The following NEB variants were observed in gnomAD, a reference collection of about 807,000 sequenced individuals.
The protein encoded by NEB is nebulin.
In NEB, 512 loss-of-function variants were observed where a neutral mutation model predicts 952.2. The ratio of observed to expected loss-of-function variants is 0.54; its 90% CI spans 0.50 to 0.58. The LOEUF is 0.58. Ranked by LOEUF, NEB falls within the 20% of genes least tolerant of loss-of-function variation. The pLI is 0.00. For synonymous variants in NEB, 2,900 were observed against 3,149.8 expected (o/e 0.92, Z 2.66); for missense variants, 8,428 against 9,231.1 (o/e 0.91, Z 3.56).
At chr2:151,552,648 T>G (rs374478409) in intron 128 of NEB, 24 bp downstream of exon 128, 23 of 1,563,156 alleles carry the variant, frequency 1.5e-5, no homozygotes, top group Admixed American at 1.2e-4. Context: ...TACTGTCCAC[T>G]TAACTTCCCC....
At chr2:151,719,886 C>CA (rs34116466) in intron 9 of NEB, among the ~76,000 whole-genome samples, 1,039 of 103,562 alleles carry the variant, frequency 0.01, 29 homozygotes, top group Middle Eastern at 0.023. Flanking sequence ...GACCCTGTCT[C>CA]AAAAAAAAAA....
rs187496580 is a variant in NEB, at chr2:151,505,270, C to T, written c.23742+208G>A. 1.7e-4 allele frequency among the ~76,000 whole-genome samples: 26 copies of T among 152,228 alleles called. No homozygotes were observed. In the East Asian group the frequency reaches 4.4e-3, roughly 26 times the overall value. On this transcript the variant is annotated intron_variant, in intron 165 of 181. Transcript: ENST00000397345. ...GTCAGTGACAGGTAGGAAAAGAAAG[C>T]CAAATCCCTTCTACTCCTTGATTAT... is the stretch of plus-strand genomic sequence containing the variant.
chr2:151,514,863 C>A lies in NEB; in HGVS notation c.22971G>T (p.Thr7657=). The A allele has an allele frequency of 6.3e-7, 1 of 1,588,070 alleles. No homozygotes were observed. Among genetic ancestry groups the A allele is most frequent in the Non-Finnish European group, 8.6e-7 (1 of 1,165,704 alleles). Residue 7657 remains threonine (T), a synonymous_variant, in exon 158 of 182, where the codon ACG becomes ACT. Coordinates refer to ENST00000397345, the MANE Select transcript of NEB (RefSeq NM_001164508.2). The part of the protein sequence containing the change: ...KGRNLTGLEV[T]PALLHVKYAT... The stretch of plus-strand genomic sequence containing the variant: ...CATATTTGACATGTAACAAAGCTGG[C>A]GTGACCTCCAGGCCAGTCAGGTTTC...
intron 60 of NEB, among the ~76,000 whole-genome samples, chr2:151,641,314 A>C (rs1271518514): frequency 6.7e-6 from 1 of 149,204 alleles, no homozygotes; most frequent in East Asian, 1.9e-4. Context: ...CTTTGCACAC[A>C]TGACTGTTTT....
rs779280272 is a variant in NEB at position 151,692,331 on chromosome 2, T to C, written c.1928A>G (p.Lys643Arg). Reference sequence around the variant, plus strand: ...CTCACAGTAATTCATACTCTTTGCCTTTGTCTTCTCATAGTTTTCCTTGTA... The same window carrying C: ...CTCACAGTAATTCATACTCTTTGCCCTTGTCTTCTCATAGTTTTCCTTGTA... ...RLYKENYEKTKAKSMNYCETP... is the reference protein window; with the variant it reads ...RLYKENYEKTRAKSMNYCETP... Residue 643 changes from lysine to arginine, a missense_variant, in exon 21 of 182, where the codon AAG (lysine) becomes AGG (arginine). Physicochemically the swap from Lys to Arg is conservative, Grantham distance 26. Transcript: ENST00000397345. 6.8e-6 allele frequency: 11 copies of C among 1,612,348 alleles called. No individual in the cohort carries two copies. The highest frequency in any genetic ancestry group is 8.5e-6 in the Non-Finnish European group (10 of 1,178,974).
intron 159 of NEB, 137 bp from the exon 160 acceptor site, chr2:151,513,830 G>A (rs928576689): frequency 2.9e-5 from 19 of 661,230 alleles, no homozygotes; most frequent in South Asian, 3.8e-5. Context: ...CTTCACCTTC[G>A]CTCTTCCGTG....
chr2:151,644,359 C>T (rs2098926887), intron 56 of NEB, 109 bp downstream of exon 56: 2 of 1,147,602 alleles, frequency 1.7e-6, no homozygotes, highest in Non-Finnish European at 2.5e-6. Flanking sequence ...CATTTTATTC[C>T]ACTGTAATTT....
chr2:151,508,068 A>G lies in NEB; in HGVS notation c.23388T>C (p.Tyr7796=). Residue 7796 remains tyrosine, a synonymous_variant, in exon 162 of 182, where the codon TAT becomes TAC. Transcript: ENST00000397345. The part of the protein sequence containing the change: ...KEDAEKSMSY[Y]ETVLDTPEIQ... ...TCTCTGGGGTGTCCAAAACAGTCTCATAATACGACATGGACTTCTCAGCAT... is the reference window on the plus strand; with the variant it reads ...TCTCTGGGGTGTCCAAAACAGTCTCGTAATACGACATGGACTTCTCAGCAT... 6.2e-7 allele frequency: 1 copy of G among 1,610,734 alleles called. No homozygotes were observed. Among genetic ancestry groups the G allele is most frequent in the Non-Finnish European group, 8.5e-7 (1 of 1,178,328 alleles).
chr2:151,575,887 T>G (rs1225570417), intron 106 of NEB, 88 bp from the exon 107 acceptor site: 1 of 1,002,972 alleles, frequency 1.0e-6, no homozygotes, highest in Non-Finnish European at 1.6e-6. Context: ...TCTTTTGGAT[T>G]TGATCCAAAA....
intron 138 of NEB, among the ~76,000 whole-genome samples, chr2:151,539,338 A>C (rs1166378153): frequency 6.6e-6 from 1 of 152,236 alleles, no homozygotes; most frequent in Non-Finnish European, 1.5e-5. Context: ...CATTTTAAGC[A>C]CTAACTGGCA....
In NEB at chr2:151,501,473, T is replaced by C; in HGVS notation, c.23939A>G (p.Lys7980Arg). Reference sequence around the variant, plus strand: ...GGGAGTCCCCTTGCTCAAGTTCTCTTTGTACAATATCTGTGTGCACAAAAC... The same window carrying C: ...GGGAGTCCCCTTGCTCAAGTTCTCTCTGTACAATATCTGTGTGCACAAAAC... Reference protein sequence around the residue: ...NQENFSSILYKENLSKGTPLP... With the variant: ...NQENFSSILYRENLSKGTPLP... The change falls in exon 168 of 182, where the codon AAA becomes AGA. Residue 7980 changes from lysine to arginine, a missense_variant. Around this residue, in one of 11 missense-constraint regions of NEB, gnomAD observed 3,374 missense variants for 3,651.5 expected, o/e 0.92. Coordinates refer to ENST00000397345, the MANE Select transcript of NEB (RefSeq NM_001164508.2). The C allele has an allele frequency of 6.6e-7, 1 of 1,515,194 alleles. No individual in the cohort carries two copies. Among genetic ancestry groups the C allele is most frequent in the Non-Finnish European group, 8.9e-7 (1 of 1,126,610 alleles). 93.9% of individuals were successfully genotyped at this position (1,515,194 alleles called of 1,614,324 possible).
chr2:151,605,495 A>G (rs2153946046), intron 84 of NEB, among the ~76,000 whole-genome samples: 1 of 109,822 alleles, frequency 9.1e-6, no homozygotes, highest in South Asian at 2.7e-4. Context: ...GAATCAGAAG[A>G]TAACAACAAA....
At chr2:151,673,412 T>C (rs900900644) in intron 36 of NEB, among the ~76,000 whole-genome samples, 39 of 148,162 alleles carry the variant, frequency 2.6e-4, no homozygotes, top group South Asian at 2.1e-3. Context: ...ATTTCTAACA[T>C]GTGAAAAATC....
chr2:151,509,440 TGCAGAGCTG>T (rs932703858), intron 161 of NEB, among the ~76,000 whole-genome samples: 7 of 152,216 alleles, frequency 4.6e-5, no homozygotes, highest in African/African-American at 1.7e-4. Context: ...TCAACTGGTT[TGCAGAGCTG>T]GTGCTAATCC....
chr2:151,507,451 C>A (rs2070122560), intron 162 of NEB, among the ~76,000 whole-genome samples: 1 of 152,168 alleles, frequency 6.6e-6, no homozygotes, highest in Non-Finnish European at 1.5e-5. Flanking sequence ...ATCTGACCTT[C>A]ATTTAAAGCA....
rs1345271815 is a variant in NEB, at chr2:151,687,427, G to T, written c.2629C>A (p.Gln877Lys). ...MLHSLKTAKN[Q>K]SDREYRKDYE... ...TTCACAAAGACACTCACATCACTCT[G>T]GTTTTTGGCTGTCTTCAAGGAGTGC... is the stretch of plus-strand genomic sequence containing the variant. Residue 877 changes from glutamine (Q) to lysine (K), a missense_variant, in exon 27 of 182, where the codon CAG becomes AAG. Gln to Lys is a moderately conservative substitution (Grantham distance 53, BLOSUM62 1). Around this residue, in one of 11 missense-constraint regions of NEB, gnomAD observed 2,851 missense variants for 2,791.5 expected, o/e 1.02. Coordinates refer to ENST00000397345, the MANE Select transcript of NEB (RefSeq NM_001164508.2). 6 of 1,611,848 alleles carry T rather than the reference G, an allele frequency of 3.7e-6. No individual in the cohort carries two copies. Among genetic ancestry groups the T allele is most frequent in the Non-Finnish European group, 5.1e-6 (6 of 1,178,056 alleles).
intron 75 of NEB, among the ~76,000 whole-genome samples, 158 bp downstream of exon 75, chr2:151,617,206 A>G (rs912778236): frequency 1.3e-5 from 2 of 152,366 alleles, no homozygotes; most frequent in South Asian, 4.1e-4. Context: ...TGGACCCACC[A>G]CAAAGCTCAA....
chr2:151,653,910 C>T (rs2099058611), intron 52 of NEB, 82 bp downstream of exon 52: 1 of 837,788 alleles, frequency 1.2e-6, no homozygotes. Context: ...AAGGTAAAGA[C>T]TATCCATAAA....
At chr2:151,612,143 T>C in intron 78 of NEB, 43 bp downstream of exon 78, 1 of 1,581,228 alleles carries the variant, frequency 6.3e-7, no homozygotes, top group African/African-American at 1.3e-5. Flanking sequence ...GCCAAATCTG[T>C]GGAAGGTATG....
Sources: allele counts gnomAD v4.1 joint callset (sites outside exome capture counted in the v4.1 genomes callset), GRCh38; gene constraint gnomAD v4.1.1; regional missense constraint gnomAD v4.1.1; transcripts MANE v1.5; gene names NCBI Gene and HGNC (gene_info 2026-07-23, HGNC 2026-07-21).